The following ERC2 variants were observed in gnomAD, a reference collection of about 807,000 sequenced individuals.
ERC2 encodes ELKS/RAB6-interacting/CAST family member 2, also known as ERC protein 2.
Under a neutral mutation model 114.8 loss-of-function variants are expected in ERC2, and 42 were observed. The ratio of observed to expected loss-of-function variants is 0.37; its 90% CI spans 0.29 to 0.47. The LOEUF (loss-of-function observed/expected upper bound fraction) is 0.47. Ranked by LOEUF, ERC2 falls within the 20% of genes least tolerant of loss-of-function variation. ERC2 has a pLI of 0.99. For synonymous variants in ERC2, 454 were observed against 425.5 expected, an observed-to-expected ratio of 1.07 and a Z score of -0.82; for missense variants, 939 against 1,150.7, an observed-to-expected ratio of 0.82 and a Z score of 2.66.
intron 15 of ERC2, among the ~76,000 whole-genome samples, chr3:55,700,198 C>CA: frequency 6.6e-6 from 1 of 152,266 alleles, no homozygotes; most frequent in Non-Finnish European, 1.5e-5. Context: ...GTTAAACCCC[C>CA]AATGCAATAG....
chr3:55,803,759 C>G (rs916842786), intron 14 of ERC2, among the ~76,000 whole-genome samples: 1 of 152,102 alleles, frequency 6.6e-6, no homozygotes, highest in East Asian at 1.9e-4. Flanking sequence ...ATTTTGAGAA[C>G]AGATGTTATG....
At chr3:55,621,965 A>T (rs1338838614) in intron 17 of ERC2, among the ~76,000 whole-genome samples, 2 of 152,234 alleles carry the variant, frequency 1.3e-5, no homozygotes, top group Non-Finnish European at 2.9e-5. Flanking sequence ...TTCACATGAC[A>T]TAAGCTATTT....
rs183744876 is a variant in ERC2, at chr3:56,228,930, C to T, written c.1075-55410G>A. Among the ~76,000 whole-genome samples, 427 of 152,198 alleles carry T rather than the reference C, an allele frequency of 2.8e-3. 1 individual carries two copies. The highest frequency in any genetic ancestry group is 9.8e-3 in the African/African-American group (408 of 41,534). On this transcript the variant is annotated intron_variant, in intron 3 of 17. Transcript: ENST00000288221. ...GATGGGGTAGGGCAGGGAGGGGTTC[C>T]AGTTCATGTTTTTGTTAATGCTTTG...
intron 12 of ERC2, among the ~76,000 whole-genome samples, chr3:55,960,804 GA>G (rs1435892452): frequency 6.6e-6 from 1 of 152,164 alleles, no homozygotes; most frequent in Admixed American, 6.5e-5. Flanking sequence ...TTCCTCCCTC[GA>G]AAAACATTTC....
At chr3:55,952,173 ACACACACTCTCTCTCTCTCTCTCT>A (rs1559922683) in intron 12 of ERC2, among the ~76,000 whole-genome samples, 19 of 56,036 alleles carry the variant, frequency 3.4e-4, no homozygotes, top group African/African-American at 4.7e-4. Flanking sequence ...ACACACACAC[ACACACACTCTCTCTCTCTCTCTCT>A]CTATATATAT....
intron 13 of ERC2, among the ~76,000 whole-genome samples, chr3:55,913,911 T>C (rs2064951398): frequency 6.6e-6 from 1 of 152,170 alleles, no homozygotes; most frequent in Non-Finnish European, 1.5e-5. Context: ...TAGTAGTATC[T>C]CCCTTGAAGC....
At chr3:55,688,213 G>T (rs1364667389) in intron 16 of ERC2, among the ~76,000 whole-genome samples, 1 of 152,186 alleles carries the variant, frequency 6.6e-6, no homozygotes, top group Non-Finnish European at 1.5e-5. Context: ...TTATTTCTGA[G>T]CTGGGATAGA....
At chr3:56,367,945 TA>T (rs56372235) in intron 2 of ERC2, among the ~76,000 whole-genome samples, 92,902 of 118,076 alleles carry the variant, frequency 0.79, 36,745 homozygotes, top group East Asian at 0.86. Context: ...CATCTCTCTT[TA>T]AAAAAAAAAA....
intron 17 of ERC2, among the ~76,000 whole-genome samples, chr3:55,624,524 G>T (rs1050888278): frequency 6.6e-6 from 1 of 152,176 alleles, no homozygotes; most frequent in African/African-American, 2.4e-5. Flanking sequence ...GATGGGAGAG[G>T]TGCCCTGTGG....
chr3:56,288,067 T>A (rs564588764), intron 3 of ERC2, among the ~76,000 whole-genome samples: 1 of 152,316 alleles, frequency 6.6e-6, no homozygotes, highest in East Asian at 1.9e-4. Context: ...ATAGGCTTTA[T>A]ATACCAAGCC....
At chr3:56,346,181 G>A (rs1426817689) in intron 2 of ERC2, among the ~76,000 whole-genome samples, 2 of 151,624 alleles carry the variant, frequency 1.3e-5, no homozygotes, top group East Asian at 1.9e-4. Flanking sequence ...AAAAGGACAC[G>A]CTATATATAT....
In ERC2 at chr3:56,252,584, G is replaced by A. The variant is rs142436308; in HGVS notation, c.1074+43435C>T. 1.9e-4 allele frequency among the ~76,000 whole-genome samples: 29 copies of A among 152,008 alleles called. No individual in the cohort carries two copies. The East Asian group carries it at 3.9e-3, about 20-fold the overall frequency. On this transcript the variant is annotated intron_variant, in intron 3 of 17. Coordinates refer to ENST00000288221, the MANE Select transcript of ERC2 (RefSeq NM_015576.3). ...AGCCTGGCCAACATGGAGAAACCCC[G>A]TCTCTACTAAAAATGCAAAACAATT... is the stretch of plus-strand genomic sequence containing the variant.
chr3:56,342,312 C>T (rs1371660451), intron 2 of ERC2, among the ~76,000 whole-genome samples: 2 of 152,196 alleles, frequency 1.3e-5, no homozygotes, highest in South Asian at 2.1e-4. Flanking sequence ...CACAAAAACA[C>T]GTAACACTTC....
At chr3:56,410,995 C>A (rs1192720336) in intron 2 of ERC2, among the ~76,000 whole-genome samples, 4 of 146,042 alleles carry the variant, frequency 2.7e-5, no homozygotes, top group African/African-American at 1.0e-4. Flanking sequence ...GACCAATAAT[C>A]ATTCCTGTTG....
chr3:56,355,291 TTTTCTTGTTTTC>T (rs920710109), intron 2 of ERC2, among the ~76,000 whole-genome samples: 27 of 151,538 alleles, frequency 1.8e-4, no homozygotes, highest in African/African-American at 5.6e-4. Context: ...TCACCTTTTT[TTTTCTTGTTTTC>T]TTTTTCTTTT....
intron 17 of ERC2, among the ~76,000 whole-genome samples, chr3:55,534,906 G>C (rs1023755537): frequency 6.6e-6 from 1 of 152,142 alleles, no homozygotes; most frequent in Non-Finnish European, 1.5e-5. Flanking sequence ...AGAGGAAATG[G>C]CTGAGCATCA....
At chr3:55,769,978 T>C (rs950976447) in intron 14 of ERC2, among the ~76,000 whole-genome samples, 1 of 152,194 alleles carries the variant, frequency 6.6e-6, no homozygotes, top group African/African-American at 2.4e-5. Context: ...CAGGCCTTCC[T>C]GTAGGAAAAG....
chr3:56,426,453 C>G (rs1167498121), intron 2 of ERC2, among the ~76,000 whole-genome samples: 2 of 152,222 alleles, frequency 1.3e-5, no homozygotes, highest in Non-Finnish European at 2.9e-5. Flanking sequence ...ACAGATGGGA[C>G]TGTTGTTAAA....
intron 14 of ERC2, among the ~76,000 whole-genome samples, chr3:55,855,304 T>C (rs2061742363): frequency 6.6e-6 from 1 of 152,214 alleles, no homozygotes; most frequent in African/African-American, 2.4e-5. Context: ...AGATGAGAAA[T>C]TCCTCATTCA....
Sources: gnomAD v4.1 joint callset for allele counts (sites outside exome capture counted in the v4.1 genomes callset) on GRCh38, gnomAD v4.1.1 for gene constraint, MANE v1.5 for transcripts, NCBI Gene and HGNC (gene_info 2026-07-23, HGNC 2026-07-21) for gene names.